The following PDZD2 variants were observed in gnomAD, a reference collection of about 807,000 sequenced individuals.
PDZD2 encodes the protein PDZ domain-containing protein 2.
PDZD2 carries 90 observed loss-of-function variants against 220.7 expected under a neutral mutation model. That is an observed-to-expected ratio of 0.41 (90% CI 0.34 to 0.49). The LOEUF (loss-of-function observed/expected upper bound fraction) is 0.49. PDZD2 is among the 20% of genes least tolerant of loss of function. The pLI is 0.28. For synonymous variants in PDZD2, 1,375 were observed against 1,450.5 expected, an observed-to-expected ratio of 0.95 and a Z score of 1.18; for missense variants, 3,174 against 3,608.5, an observed-to-expected ratio of 0.88 and a Z score of 3.08.
intron 2 of PDZD2, among the ~76,000 whole-genome samples, chr5:31,865,965 A>G (rs1230529686): frequency 7.2e-6 from 1 of 139,366 alleles, no homozygotes; most frequent in Admixed American, 7.5e-5. Flanking sequence ...GTTTACCAGG[A>G]TGGCAACTCT....
chr5:31,749,515 C>G (rs1018317727), intron 1 of PDZD2, among the ~76,000 whole-genome samples: 12 of 151,872 alleles, frequency 7.9e-5, no homozygotes, highest in African/African-American at 2.7e-4. Flanking sequence ...CCTCAGCCTT[C>G]CAGGTTCAAG....
At chr5:31,943,210 A>AAG (rs386403476) in intron 2 of PDZD2, among the ~76,000 whole-genome samples, 1 of 151,916 alleles carries the variant, frequency 6.6e-6, no homozygotes, top group African/African-American at 2.4e-5. Context: ...CTCCAAAAAA[A>AAG]AAAAAATCAG....
intron 2 of PDZD2, among the ~76,000 whole-genome samples, chr5:31,813,294 C>CA (rs1755232345): frequency 6.6e-6 from 1 of 151,678 alleles, no homozygotes; most frequent in Non-Finnish European, 1.5e-5. Context: ...ACTAAAAATA[C>CA]AAAAAATTAG....
chr5:32,016,854 G>C (rs1237803693), intron 6 of PDZD2, among the ~76,000 whole-genome samples: 1 of 152,102 alleles, frequency 6.6e-6, no homozygotes, highest in African/African-American at 2.4e-5. Context: ...TGTCTTCCCT[G>C]GCCCTTAATT....
intron 2 of PDZD2, among the ~76,000 whole-genome samples, chr5:31,904,363 A>G: frequency 6.6e-6 from 1 of 152,206 alleles, no homozygotes; most frequent in East Asian, 1.9e-4. Context: ...GGATGAAGCC[A>G]AGAAAATAGA....
intron 2 of PDZD2, among the ~76,000 whole-genome samples, chr5:31,821,709 G>A (rs1267998826): frequency 3.3e-5 from 5 of 152,010 alleles, no homozygotes. Context: ...TTTAAGTTCT[G>A]GGATATGGGT....
intron 5 of PDZD2, among the ~76,000 whole-genome samples, chr5:32,006,921 T>TG: frequency 1.6e-5 from 2 of 124,860 alleles, no homozygotes; most frequent in Admixed American, 8.3e-5. Context: ...TTTTTTTTTT[T>TG]TTTTTTTTTT....
rs769354573 is a variant in PDZD2 at position 31,799,266 on chromosome 5, C to T, written c.18C>T (p.Asp6=). ...TGAGCACCATGCCCATCACCCAGGA[C>T]AATGCCGTGCTGCACCTGCCCCTCC... MPITQ[D]NAVLHLPLLY... Residue 6 remains aspartate (D), a synonymous_variant, in exon 2 of 25, where the codon GAC becomes GAT. Coordinates refer to ENST00000438447, the MANE Select transcript of PDZD2 (RefSeq NM_178140.4). 2 of 1,604,828 alleles carry T rather than the reference C, an allele frequency of 1.2e-6. No individual in the cohort carries two copies.
At chr5:31,721,445 A>G (rs1748784679) in intron 1 of PDZD2, among the ~76,000 whole-genome samples, 1 of 151,606 alleles carries the variant, frequency 6.6e-6, no homozygotes, top group South Asian at 2.1e-4. Flanking sequence ...TAGGGCTTCC[A>G]GTAGGAAATA....
chr5:31,742,393 T>C (rs994203534), intron 1 of PDZD2: 2 of 149,298 alleles, frequency 1.3e-5, no homozygotes, highest in African/African-American at 2.5e-5. Context: ...TAAGAGATAT[T>C]ATGTTTGAAA....
chr5:31,805,357 A>G (rs1754654750), intron 2 of PDZD2, among the ~76,000 whole-genome samples: 1 of 152,148 alleles, frequency 6.6e-6, no homozygotes, highest in Non-Finnish European at 1.5e-5. Context: ...AGTCTTTGTG[A>G]CTGACTGTTT....
chr5:31,781,102 G>C (rs189889424), intron 1 of PDZD2, among the ~76,000 whole-genome samples: 1 of 152,264 alleles, frequency 6.6e-6, no homozygotes, highest in East Asian at 1.9e-4. Flanking sequence ...GAGGAGGATG[G>C]TTGAATCCTT....
Position 32,089,636 on chromosome 5 carries a change from C to T in PDZD2, c.6188C>T (p.Ala2063Val). The change falls in exon 20 of 25, where the codon GCA (alanine) becomes GTA (valine). Residue 2063 changes from alanine to valine, a missense_variant. By Grantham distance (64) the Ala-to-Val change is moderately conservative. Transcript: ENST00000438447. ...SEPRLASHVA[A>V]DTAQPRPTGE... ...CCGCGCCTGGCCAGCCATGTGGCAG[C>T]AGACACAGCCCAACCCAGGCCGACT... The T allele has an allele frequency of 6.2e-7, 1 of 1,613,738 alleles. No homozygotes were observed.
chr5:32,106,728 C>T (rs374554302), intron 24 of PDZD2, among the ~76,000 whole-genome samples: 19 of 152,122 alleles, frequency 1.2e-4, no homozygotes, highest in East Asian at 7.7e-4. Context: ...TGAAGGCCTT[C>T]GGTTAATATG....
intron 2 of PDZD2, among the ~76,000 whole-genome samples, chr5:31,833,763 C>A (rs73753519): frequency 6.6e-6 from 1 of 152,156 alleles, no homozygotes; most frequent in African/African-American, 2.4e-5. Flanking sequence ...AGCTTTCTAC[C>A]GTTTATCCTG....
At chr5:31,864,839 C>CTTTTTT (rs70955752) in intron 2 of PDZD2, among the ~76,000 whole-genome samples, 2 of 70,950 alleles carry the variant, frequency 2.8e-5, no homozygotes, top group Non-Finnish European at 5.1e-5. Context: ...TGAGATTTGT[C>CTTTTTT]TTTTTTTTTT....
chr5:31,674,674 A>T (rs1561376702), intron 1 of PDZD2, among the ~76,000 whole-genome samples: 1 of 152,194 alleles, frequency 6.6e-6, no homozygotes, highest in South Asian at 2.1e-4. Flanking sequence ...ACTGAGAGTG[A>T]TGATGGGACC....
At chr5:31,844,256 T>C (rs1188521615) in intron 2 of PDZD2, among the ~76,000 whole-genome samples, 1 of 152,086 alleles carries the variant, frequency 6.6e-6, no homozygotes, top group African/African-American at 2.4e-5. Context: ...AACTTAATGA[T>C]GCAAAAAGAA....
chr5:32,059,263 G>A lies in PDZD2; in HGVS notation c.2225G>A (p.Gly742Asp). The change falls in exon 13 of 25, where the codon GGT becomes GAT. Residue 742 changes from glycine to aspartate, a missense_variant. By Grantham distance (94) the Gly-to-Asp change is moderately conservative. Around this residue, in one of 4 missense-constraint regions of PDZD2, gnomAD observed 1,861 missense variants for 2,001.0 expected, o/e 0.93. Coordinates refer to ENST00000438447, the MANE Select transcript of PDZD2 (RefSeq NM_178140.4). ...NKEPRVGLGI[G>D]ACCLALENSP... ...GAGCCAAGAGTTGGATTAGGCATTG[G>A]TGCCTGCTGCTTGGCTCTGGAAAAC... 1 of 1,611,540 alleles carries A rather than the reference G, an allele frequency of 6.2e-7. No homozygotes were observed. Among genetic ancestry groups the A allele is most frequent in the Non-Finnish European group, 8.5e-7 (1 of 1,177,638 alleles).
Sources: allele counts gnomAD v4.1 joint callset (sites outside exome capture counted in the v4.1 genomes callset), GRCh38; gene constraint gnomAD v4.1.1; regional missense constraint gnomAD v4.1.1; transcripts MANE v1.5; gene names NCBI Gene and HGNC (gene_info 2026-07-23, HGNC 2026-07-21).